Variants in PDCD4 observed in about 807,000 individuals in gnomAD.
PDCD4 encodes programmed cell death protein 4.
A neutral mutation model predicts 54.0 loss-of-function variants in PDCD4; 56 were observed. That is an observed-to-expected ratio of 1.04 (90% CI 0.84 to 1.30). The LOEUF (loss-of-function observed/expected upper bound fraction) is 1.30, where lower values mean the gene tolerates loss of function less well. Among genes scored for constraint, PDCD4 ranks in the 50% most tolerant of loss-of-function variants. The pLI is 0.00. For missense variants in PDCD4, 584 were observed against 559.8 expected, an observed-to-expected ratio of 1.04 and a Z score of -0.44; for synonymous variants, 186 against 194.8, an observed-to-expected ratio of 0.95 and a Z score of 0.37.
intron 1 of PDCD4, among the ~76,000 whole-genome samples, chr10:110,873,154 T>A (rs1296784230): frequency 6.6e-6 from 1 of 152,262 alleles, no homozygotes; most frequent in Non-Finnish European, 1.5e-5. Flanking sequence ...TTGAATACGT[T>A]AATATCTCAG....
At chr10:110,874,150 T>C (rs1309831748) in intron 1 of PDCD4, among the ~76,000 whole-genome samples, 1 of 152,206 alleles carries the variant, frequency 6.6e-6, no homozygotes, top group East Asian at 1.9e-4. Flanking sequence ...CTACCCTCTC[T>C]GAATCTGTTT....
At chr10:110,888,197 G>C (rs955250042) in intron 6 of PDCD4, among the ~76,000 whole-genome samples, 1 of 151,182 alleles carries the variant, frequency 6.6e-6, no homozygotes, top group Non-Finnish European at 1.5e-5. Flanking sequence ...TATTAGCTAA[G>C]ATTTTTAAAA....
intron 2 of PDCD4, among the ~76,000 whole-genome samples, chr10:110,880,682 G>A (rs907457897): frequency 1.3e-5 from 2 of 152,156 alleles, no homozygotes; most frequent in African/African-American, 4.8e-5. Context: ...GTTATGGGAC[G>A]TTTGGCAAAT....
intron 4 of PDCD4, chr10:110,884,632 A>G (rs1204619875): frequency 6.6e-6 from 1 of 151,988 alleles, no homozygotes; most frequent in African/African-American, 2.4e-5. Context: ...TTACTAAAAG[A>G]TTGGTTTTGA....
Position 110,894,197 on chromosome 10 carries a change from A to C in PDCD4, c.1097A>C (p.Glu366Ala). 1 of 1,512,990 alleles carries C rather than the reference A, an allele frequency of 6.6e-7. No individual in the cohort carries two copies. Among genetic ancestry groups the C allele is most frequent in the Non-Finnish European group, 9.2e-7 (1 of 1,088,340 alleles). 93.7% of individuals were successfully genotyped at this position (1,512,990 alleles called of 1,614,324 possible). ...VPHFHHELVY[E>A]AIIMVLESTG... ...CATTTTCACCATGAGCTTGTATATG[A>C]AGTAAGATTACCTTGCCATGTCAAA... is the stretch of plus-strand genomic sequence containing the variant. Residue 366 changes from glutamate (E) to alanine (A), a missense_variant and splice_region_variant, in exon 9 of 12, where the codon GAA becomes GCA. Physicochemically the swap from Glu to Ala is moderately radical, Grantham distance 107. Coordinates refer to ENST00000280154, the MANE Select transcript of PDCD4 (RefSeq NM_014456.5).
intron 6 of PDCD4, among the ~76,000 whole-genome samples, chr10:110,888,227 T>C (rs976222920): frequency 3.9e-5 from 6 of 152,142 alleles, no homozygotes; most frequent in Non-Finnish European, 7.4e-5. Context: ...TATGATTGAA[T>C]GCTTCACTAA....
intron 5 of PDCD4, among the ~76,000 whole-genome samples, chr10:110,885,707 G>A (rs1181375411): frequency 2.0e-5 from 3 of 151,364 alleles, no homozygotes; most frequent in Non-Finnish European, 2.9e-5. Context: ...GACGCCCCCC[G>A]AAACCTCTTC....
Position 110,887,813 on chromosome 10 carries a change from A to G in PDCD4, c.704A>G (p.Asp235Gly). 6.2e-7 allele frequency: 1 copy of G among 1,613,820 alleles called. No individual in the cohort carries two copies. Among genetic ancestry groups the G allele is most frequent in the South Asian group, 1.1e-5 (1 of 91,062 alleles). Residue 235 changes from aspartate (D) to glycine (G), a missense_variant, in exon 6 of 12, where the codon GAT becomes GGT. Coordinates refer to ENST00000280154, the MANE Select transcript of PDCD4 (RefSeq NM_014456.5). ...DLCGTVMSTT[D>G]VEKSFDKLLK... is the part of the protein sequence containing the mutation. The stretch of plus-strand genomic sequence containing the variant: ...TGTGGGACAGTAATGAGCACAACTG[A>G]TGTGGAAAAATCATTTGATAAATTG...
chr10:110,881,124 C>G, intron 2 of PDCD4, 109 bp from the exon 3 acceptor site: 1 of 741,828 alleles, frequency 1.3e-6, no homozygotes. Context: ...AATTTACCTA[C>G]AAAAATGGTA....
chr10:110,897,974 G>C lies in PDCD4; in HGVS notation c.1350-54G>C. ...CAAGTTTTTAATTTTTTTATATATT[G>C]ACTATAGTCAGAATTTGTATCTGTT... On this transcript the variant is annotated intron_variant, in intron 11 of 11. Transcript: ENST00000280154. The C allele has an allele frequency of 2.4e-6, 3 of 1,264,758 alleles. No homozygotes were observed. In the South Asian group the frequency reaches 4.3e-5, roughly 18 times the overall value. 78.3% of individuals were successfully genotyped at this position (1,264,758 alleles called of 1,614,324 possible).
At chr10:110,884,614 C>G (rs1340015442) in intron 4 of PDCD4, among the ~76,000 whole-genome samples, 1 of 151,772 alleles carries the variant, frequency 6.6e-6, no homozygotes, top group African/African-American at 2.4e-5. Context: ...CATCATGAAA[C>G]TTTTTGATTA....
chr10:110,882,859 A>C (rs1476407337), intron 3 of PDCD4, 144 bp from the exon 4 acceptor site: 2 of 589,150 alleles, frequency 3.4e-6, no homozygotes, highest in Non-Finnish European at 5.9e-6. Flanking sequence ...AACAAAAACC[A>C]GTAGGGGAAG....
intron 5 of PDCD4, among the ~76,000 whole-genome samples, chr10:110,886,546 A>G (rs1845672611): frequency 1.3e-5 from 2 of 152,172 alleles, no homozygotes; most frequent in South Asian, 2.1e-4. Flanking sequence ...TTAGTAGTAT[A>G]TCATGATTTA....
intron 6 of PDCD4, among the ~76,000 whole-genome samples, chr10:110,888,257 T>G (rs984383487): frequency 2.0e-5 from 3 of 152,124 alleles, no homozygotes; most frequent in African/African-American, 7.2e-5. Flanking sequence ...TAAGAAGTCA[T>G]AAATAAGACT....
At chr10:110,882,028 T>G (rs938343329) in intron 3 of PDCD4, among the ~76,000 whole-genome samples, 4 of 152,216 alleles carry the variant, frequency 2.6e-5, no homozygotes, top group Admixed American at 6.5e-5. Flanking sequence ...CTGCTGTTTC[T>G]CTAGTACCCG....
At chr10:110,877,996 A>G (rs554855882) in intron 2 of PDCD4, among the ~76,000 whole-genome samples, 2 of 152,342 alleles carry the variant, frequency 1.3e-5, no homozygotes, top group South Asian at 4.1e-4. Flanking sequence ...CCAGTAATTG[A>G]AAATGTGATT....
At chr10:110,890,529 A>G in intron 7 of PDCD4, 27 bp from the exon 8 acceptor site, 1 of 1,434,796 alleles carries the variant, frequency 7.0e-7, no homozygotes, top group Non-Finnish European at 9.7e-7. Context: ...CCAGCTATCA[A>G]ACTTAAATTT....
chr10:110,883,178 G>A (rs1845618309), intron 4 of PDCD4, 81 bp downstream of exon 4: 1 of 861,096 alleles, frequency 1.2e-6, no homozygotes. Flanking sequence ...ACTCATACAT[G>A]TGTCAAATCA....
intron 11 of PDCD4, 128 bp downstream of exon 11, chr10:110,896,215 A>G: frequency 1.0e-5 from 7 of 681,176 alleles, no homozygotes; most frequent in Non-Finnish European, 1.7e-5. Context: ...GTTCATGGAG[A>G]AAGAAGGGCG....
Sources: allele counts gnomAD v4.1 joint callset (sites outside exome capture counted in the v4.1 genomes callset), GRCh38; gene constraint gnomAD v4.1.1; transcripts MANE v1.5; gene names NCBI Gene and HGNC (gene_info 2026-07-23, HGNC 2026-07-21).